SATL1: variants seen among roughly 807,000 people sequenced by gnomAD.
The protein encoded by SATL1 is spermidine/spermine N1-acetyl transferase like 1.
In SATL1, 47 loss-of-function variants were observed where a neutral mutation model predicts 51.8. The ratio of observed to expected loss-of-function variants is 0.91; its 90% CI spans 0.72 to 1.16. The LOEUF is 1.16. Ranked by LOEUF, SATL1 falls within the 50% of genes most tolerant of loss-of-function variation. SATL1 has a pLI of 0.00. For missense variants in SATL1, 520 were observed against 526.4 expected, an observed-to-expected ratio of 0.99 and a Z score of 0.12; for synonymous variants, 176 against 182.4, an observed-to-expected ratio of 0.97 and a Z score of 0.28.
intron 2 of SATL1, among the ~76,000 whole-genome samples, chrX:85,114,785 C>A (rs188834310): frequency 8.9e-6 from 1 of 112,346 alleles, no homozygotes; most frequent in Admixed American, 9.4e-5. Flanking sequence ...TGATGTCAAA[C>A]CCAGTTCTTA....
intron 2 of SATL1, among the ~76,000 whole-genome samples, chrX:85,159,339 A>G (rs1173034652): frequency 3.6e-5 from 4 of 111,899 alleles, no homozygotes; most frequent in African/African-American, 1.3e-4. Flanking sequence ...AGGGGGCATT[A>G]ACACCTAAGT....
At chrX:85,239,134 A>G (rs1928536123) in intron 1 of SATL1, among the ~76,000 whole-genome samples, 1 of 111,276 alleles carries the variant, frequency 9.0e-6, no homozygotes, top group African/African-American at 3.3e-5. Context: ...AAAATGAAAT[A>G]AAATAAAATA....
intron 2 of SATL1, among the ~76,000 whole-genome samples, chrX:85,127,393 G>T (rs1273085597): frequency 9.0e-6 from 1 of 111,546 alleles, no homozygotes; most frequent in Middle Eastern, 4.2e-3. Context: ...ATTATTCATA[G>T]TATCAGATCC....
At position 85,108,731 on chromosome X, in the gene SATL1, A is replaced by C. The variant is rs767700106; in HGVS notation, c.238T>G (p.Trp80Gly). ...NQPDMKQPDT[W>G]QLGRSQPGML... ...CCTGGTTGGCTCCTACCTAATTGCC[A>C]TGTGTCTGGTTGTTTCATGTCGGGT... Residue 80 changes from tryptophan to glycine, a missense_variant, in exon 3 of 8, where the codon TGG (tryptophan) becomes GGG (glycine). Trp to Gly is a radical substitution (Grantham distance 184). Transcript: ENST00000644105. 3.3e-6 allele frequency: 4 copies of C among 1,205,017 alleles called. No homozygotes were observed. The highest frequency in any genetic ancestry group is 3.4e-6 in the Non-Finnish European group (3 of 892,669).
At chrX:85,225,011 A>G (rs886542646) in intron 1 of SATL1, among the ~76,000 whole-genome samples, 4 of 111,519 alleles carry the variant, frequency 3.6e-5, no homozygotes, top group African/African-American at 1.3e-4. Flanking sequence ...AGTGAAAAAA[A>G]GACAATCCCC....
chrX:85,174,161 T>C (rs1238371614), intron 2 of SATL1, among the ~76,000 whole-genome samples: 1 of 110,241 alleles, frequency 9.1e-6, no homozygotes, highest in Non-Finnish European at 1.9e-5. Flanking sequence ...ATTTTCTTAA[T>C]CCATTCTATC....
chrX:85,094,169 A>T lies in SATL1; in HGVS notation c.1835T>A (p.Val612Glu). ...YFTYDSWTGK[V>E]LYLEDFYVTQ... ...GACATAAAAGTCCTCTAGGTAAAGT[A>T]CCTTGCCAGTCCATGAGTCGTATGT... is the stretch of plus-strand genomic sequence containing the variant. The change falls in exon 6 of 8, where the codon GTA (valine) becomes GAA (glutamate). Residue 612 changes from valine (V) to glutamate (E), a missense_variant. Physicochemically the swap from Val to Glu is moderately radical, Grantham distance 121. Coordinates refer to ENST00000644105, the MANE Select transcript of SATL1 (RefSeq NM_001367857.2). 1 of 1,199,463 alleles carries T rather than the reference A, an allele frequency of 8.3e-7. No individual in the cohort carries two copies. The highest frequency in any genetic ancestry group is 1.1e-6 in the Non-Finnish European group (1 of 884,791).
intron 2 of SATL1, among the ~76,000 whole-genome samples, chrX:85,162,846 C>A (rs1262705698): frequency 1.8e-5 from 2 of 111,411 alleles, no homozygotes; most frequent in African/African-American, 6.5e-5. Context: ...ATCACATTTG[C>A]TGACTTGCAT....
At chrX:85,113,365 C>A (rs905157956) in intron 2 of SATL1, among the ~76,000 whole-genome samples, 1 of 111,522 alleles carries the variant, frequency 9.0e-6, no homozygotes, top group African/African-American at 3.3e-5. Flanking sequence ...TGCAGTAATG[C>A]CTGCTAAGAG....
At chrX:85,131,747 T>A (rs997935496) in intron 2 of SATL1, among the ~76,000 whole-genome samples, 8 of 111,926 alleles carry the variant, frequency 7.1e-5, no homozygotes, top group African/African-American at 2.3e-4. Context: ...CTAGCATCAA[T>A]GGTCTTTACA....
chrX:85,108,267 G>T lies in SATL1; in HGVS notation c.702C>A (p.Ser234Arg). ...TGTCTGTTTGGTTCTTACATGATTG[G>T]CTAGTGTCTGGTTGCCTTATGCCTG... is the stretch of plus-strand genomic sequence containing the variant. ...SQPGIRQPDT[S>R]QSCKNQTDMS... The change falls in exon 3 of 8, where the codon AGC becomes AGA. Residue 234 changes from serine to arginine, a missense_variant. Ser to Arg is a moderately radical substitution (Grantham distance 110, BLOSUM62 -1). Coordinates refer to ENST00000644105, the MANE Select transcript of SATL1 (RefSeq NM_001367857.2). 8.3e-7 allele frequency: 1 copy of T among 1,211,300 alleles called. No homozygotes were observed. The highest frequency in any genetic ancestry group is 3.0e-5 in the East Asian group (1 of 33,790).
At chrX:85,151,619 A>T (rs759334525) in intron 2 of SATL1, among the ~76,000 whole-genome samples, 30 of 111,300 alleles carry the variant, frequency 2.7e-4, no homozygotes, top group African/African-American at 9.5e-4. Flanking sequence ...CAAAACAGAG[A>T]TATAGACCAA....
intron 2 of SATL1, among the ~76,000 whole-genome samples, chrX:85,160,955 C>G (rs1187806566): frequency 1.8e-5 from 2 of 111,881 alleles, no homozygotes; most frequent in Non-Finnish European, 3.8e-5. Context: ...ATCAGACTAA[C>G]AGTGGAACTC....
At chrX:85,169,043 A>C (rs1926911736) in intron 2 of SATL1, among the ~76,000 whole-genome samples, 1 of 112,430 alleles carries the variant, frequency 8.9e-6, no homozygotes, top group African/African-American at 3.2e-5. Flanking sequence ...TATTCAATAA[A>C]TGGTGCTGGG....
At chrX:85,103,318 G>A (rs1602830697) in intron 4 of SATL1, among the ~76,000 whole-genome samples, 1 of 111,489 alleles carries the variant, frequency 9.0e-6, no homozygotes, top group Non-Finnish European at 1.9e-5. Context: ...GCATTCTGAA[G>A]TATTCAACTT....
rs146566369 is a variant in SATL1, at chrX:85,124,983, G to T, written c.-312-15703C>A. ...ATTGAGAAAGGTTTTTAAGGACACT[G>T]CTTCCAGAGGTGAAAGGAACCAAAG... On this transcript the variant is annotated intron_variant, in intron 2 of 7. Coordinates refer to ENST00000644105, the MANE Select transcript of SATL1 (RefSeq NM_001367857.2). Among the ~76,000 whole-genome samples the T allele has an allele frequency of 5.4e-3, 590 of 109,949 alleles. 5 individuals carry two copies. Among genetic ancestry groups the T allele is most frequent in the African/African-American group, 0.019 (570 of 30,107 alleles).
At chrX:85,198,361 T>C (rs1927618004) in intron 2 of SATL1, among the ~76,000 whole-genome samples, 1 of 111,720 alleles carries the variant, frequency 9.0e-6, no homozygotes, top group African/African-American at 3.3e-5. Flanking sequence ...GGGAGATGGC[T>C]GGATCCTATA....
intron 2 of SATL1, among the ~76,000 whole-genome samples, chrX:85,223,888 G>T (rs1286662656): frequency 9.0e-6 from 1 of 111,012 alleles, no homozygotes; most frequent in East Asian, 2.8e-4. Context: ...GACTAGGGGA[G>T]CAGGGAAAAA....
chrX:85,151,662 G>A (rs1364549925), intron 2 of SATL1, among the ~76,000 whole-genome samples: 22 of 110,677 alleles, frequency 2.0e-4, no homozygotes, highest in South Asian at 7.7e-4. Flanking sequence ...AAATAATGCC[G>A]CATATCTACA....
Sources: allele counts gnomAD v4.1 joint callset (sites outside exome capture counted in the v4.1 genomes callset), GRCh38; gene constraint gnomAD v4.1.1; transcripts MANE v1.5; gene names NCBI Gene and HGNC (gene_info 2026-07-23, HGNC 2026-07-21).